The following GALNT14 variants were observed in gnomAD, a reference collection of about 807,000 sequenced individuals.
GALNT14 encodes UDP-GalNAc:polypeptide N-acetylgalactosaminyltransferase 14.
A neutral mutation model predicts 77.5 loss-of-function variants in GALNT14; 60 were observed. The observed-to-expected ratio is 0.77, with a 90% confidence interval of 0.63 to 0.96. GALNT14 has a LOEUF of 0.96. GALNT14 is among the 40% of genes least tolerant of loss of function. GALNT14 has a pLI of 0.00. For missense variants in GALNT14, 710 were observed against 731.0 expected (o/e 0.97, Z 0.33); for synonymous variants, 280 against 281.7 (o/e 0.99, Z 0.06).
In GALNT14 at chr2:31,041,840, C is replaced by T. The variant is rs986374692; in HGVS notation, c.130-48833G>A. On this transcript the variant is annotated intron_variant, in intron 1 of 14. Coordinates refer to ENST00000349752, the MANE Select transcript of GALNT14 (RefSeq NM_024572.4). ...ATAATAGAGGCAGAGGATCTCAGAG[C>T]GAATACTGGAGATGTGAGAACATTC... Among the ~76,000 whole-genome samples, 3 of 151,962 alleles carry T rather than the reference C, an allele frequency of 2.0e-5. 1 individual carries two copies. The South Asian group carries it at 6.2e-4, about 32-fold the overall frequency.
chr2:30,916,405 G>A (rs948132864), intron 13 of GALNT14, among the ~76,000 whole-genome samples: 1 of 152,130 alleles, frequency 6.6e-6, no homozygotes, highest in African/African-American at 2.4e-5. Flanking sequence ...GGTTTGGTCC[G>A]GGAACCGTCC....
At chr2:30,915,343 G>A (rs1342992791) in intron 13 of GALNT14, among the ~76,000 whole-genome samples, 4 of 152,170 alleles carry the variant, frequency 2.6e-5, no homozygotes, top group African/African-American at 9.7e-5. Context: ...AGACCCCCAA[G>A]GAGAATGTGT....
At chr2:30,958,334 C>G in intron 4 of GALNT14, 63 bp downstream of exon 4, 1 of 1,420,476 alleles carries the variant, frequency 7.0e-7, no homozygotes, top group South Asian at 1.2e-5. Flanking sequence ...TCACCTCTGC[C>G]TGTTACAGAG....
intron 1 of GALNT14, among the ~76,000 whole-genome samples, chr2:31,132,136 G>C (rs1036135044): frequency 6.6e-6 from 1 of 152,130 alleles, no homozygotes; most frequent in Non-Finnish European, 1.5e-5. Flanking sequence ...TGGGCTAGGA[G>C]AGTGAAAGGA....
chr2:31,074,695 G>A (rs1675647081), intron 1 of GALNT14, among the ~76,000 whole-genome samples: 1 of 152,142 alleles, frequency 6.6e-6, no homozygotes, highest in Non-Finnish European at 1.5e-5. Context: ...GAGAGAGAGG[G>A]AGAGAGAGAA....
At chr2:31,114,869 C>A (rs1235898179) in intron 1 of GALNT14, 2 of 711,820 alleles carry the variant, frequency 2.8e-6, no homozygotes, top group Non-Finnish European at 2.6e-6. Flanking sequence ...GAGCTCCAAA[C>A]AGAGAGAACA....
chr2:31,077,866 G>A (rs943164446), intron 1 of GALNT14, among the ~76,000 whole-genome samples: 1 of 152,228 alleles, frequency 6.6e-6, no homozygotes, highest in Non-Finnish European at 1.5e-5. Flanking sequence ...TAGGTTAAAA[G>A]GCTATTATGG....
At chr2:31,111,735 A>G (rs1677846095) in intron 1 of GALNT14, among the ~76,000 whole-genome samples, 3 of 152,152 alleles carry the variant, frequency 2.0e-5, no homozygotes, top group Admixed American at 2.0e-4. Flanking sequence ...GCAGGTAAAC[A>G]GACATTTGCT....
At chr2:30,999,682 C>T (rs1333010364) in intron 1 of GALNT14, among the ~76,000 whole-genome samples, 2 of 152,224 alleles carry the variant, frequency 1.3e-5, no homozygotes, top group African/African-American at 2.4e-5. Context: ...TGTGAAAATG[C>T]TGTGCCTATG....
intron 1 of GALNT14, among the ~76,000 whole-genome samples, chr2:31,091,235 A>C (rs1238008444): frequency 6.6e-6 from 1 of 152,230 alleles, no homozygotes; most frequent in Non-Finnish European, 1.5e-5. Context: ...AAATGGTTGA[A>C]AAAAAGTCAA....
At chr2:31,129,560 C>T (rs920178250) in intron 1 of GALNT14, 3 of 985,258 alleles carry the variant, frequency 3.0e-6, no homozygotes, top group Admixed American at 6.1e-5. Context: ...GACCACGTGG[C>T]CTGATCTCCC....
chr2:30,985,885 C>G (rs1450654449), intron 2 of GALNT14, among the ~76,000 whole-genome samples: 1 of 152,154 alleles, frequency 6.6e-6, no homozygotes, highest in African/African-American at 2.4e-5. Context: ...AGCCTTGACT[C>G]TGAGGGAATA....
At chr2:30,934,827 C>T (rs1665955295) in intron 9 of GALNT14, among the ~76,000 whole-genome samples, 1 of 152,168 alleles carries the variant, frequency 6.6e-6, no homozygotes, top group East Asian at 1.9e-4. Context: ...GAGGACTCAC[C>T]TCCATCCTAC....
At chr2:30,919,029 C>A (rs1162338805) in intron 13 of GALNT14, among the ~76,000 whole-genome samples, 2 of 152,160 alleles carry the variant, frequency 1.3e-5, no homozygotes, top group Admixed American at 1.3e-4. Flanking sequence ...CTTGCATGCT[C>A]CACAGCCAGT....
chr2:31,090,841 A>C (rs777622669), intron 1 of GALNT14, among the ~76,000 whole-genome samples: 2 of 150,546 alleles, frequency 1.3e-5, no homozygotes, highest in Non-Finnish European at 3.0e-5. Flanking sequence ...TGTGAAGAGA[A>C]CATTAAAAAT....
intron 3 of GALNT14, among the ~76,000 whole-genome samples, chr2:30,965,371 T>C (rs927127578): frequency 4.7e-5 from 7 of 148,750 alleles, no homozygotes; most frequent in African/African-American, 1.7e-4. Flanking sequence ...TGAGGGCGGC[T>C]GCTGTCATTG....
intron 1 of GALNT14, among the ~76,000 whole-genome samples, chr2:31,044,199 G>A (rs1673278965): frequency 6.6e-6 from 1 of 152,136 alleles, no homozygotes; most frequent in African/African-American, 2.4e-5. Flanking sequence ...TGACACATCA[G>A]AGTTCCCAGA....
At chr2:30,993,565 C>T (rs1669844208) in intron 1 of GALNT14, among the ~76,000 whole-genome samples, 2 of 152,204 alleles carry the variant, frequency 1.3e-5, no homozygotes, top group African/African-American at 4.8e-5. Context: ...CAGTGGTGTG[C>T]TACTCACCAC....
At chr2:31,038,115 G>C (rs1185454387) in intron 1 of GALNT14, among the ~76,000 whole-genome samples, 3 of 43,848 alleles carry the variant, frequency 6.8e-5, no homozygotes, top group Non-Finnish European at 1.2e-4. Flanking sequence ...TTTTTTTTTA[G>C]ATGGAGTCTT....
Sources: allele counts gnomAD v4.1 joint callset (sites outside exome capture counted in the v4.1 genomes callset), GRCh38; gene constraint gnomAD v4.1.1; transcripts MANE v1.5; gene names NCBI Gene and HGNC (gene_info 2026-07-23, HGNC 2026-07-21).